COBL: variants seen among roughly 807,000 people sequenced by gnomAD.
COBL encodes protein cordon-bleu.
A neutral mutation model predicts 98.8 loss-of-function variants in COBL; 51 were observed. The ratio of observed to expected loss-of-function variants is 0.52; its 90% confidence interval spans 0.41 to 0.65. COBL has a LOEUF of 0.65. Among genes scored for constraint, COBL ranks in the 30% least tolerant of loss-of-function variants. COBL has a pLI of 0.00. For missense variants in COBL, 1,617 were observed against 1,617.5 expected (o/e 1.00, Z 0.01); for synonymous variants, 634 against 651.7 (o/e 0.97, Z 0.41).
At chr7:51,245,131 C>A (rs969636811) in intron 1 of COBL, among the ~76,000 whole-genome samples, 4 of 152,130 alleles carry the variant, frequency 2.6e-5, no homozygotes, top group Non-Finnish European at 2.9e-5. Context: ...CACACTCTAA[C>A]GGACCTGATC....
intron 2 of COBL, among the ~76,000 whole-genome samples, chr7:51,201,318 T>C (rs1477847103): frequency 6.7e-6 from 1 of 150,354 alleles, no homozygotes; most frequent in Admixed American, 6.6e-5. Context: ...TTAAATAAAA[T>C]AGGGTTTAAG....
intron 5 of COBL, among the ~76,000 whole-genome samples, chr7:51,137,639 G>A (rs1187909679): frequency 6.6e-6 from 1 of 151,744 alleles, no homozygotes; most frequent in Non-Finnish European, 1.5e-5. Context: ...ATATGTGTTA[G>A]CTATTATGAT....
intron 5 of COBL, among the ~76,000 whole-genome samples, chr7:51,152,247 G>GT (rs1785634758): frequency 6.6e-6 from 1 of 152,190 alleles, no homozygotes; most frequent in Admixed American, 6.5e-5. Flanking sequence ...CTGATTTAAG[G>GT]TAAGACAAAA....
At chr7:51,210,939 G>T (rs967222406) in intron 2 of COBL, among the ~76,000 whole-genome samples, 2 of 152,226 alleles carry the variant, frequency 1.3e-5, no homozygotes, top group Admixed American at 6.5e-5. Context: ...GACAATGGCA[G>T]TGCCCAACAA....
chr7:51,047,292 ATT>A (rs1583603225), intron 7 of COBL, among the ~76,000 whole-genome samples: 1 of 152,230 alleles, frequency 6.6e-6, no homozygotes, highest in African/African-American at 2.4e-5. Flanking sequence ...AGTAAGGAAT[ATT>A]AACCCTTCTA....
intron 2 of COBL, among the ~76,000 whole-genome samples, chr7:51,194,540 T>C (rs1480031197): frequency 6.6e-6 from 1 of 152,164 alleles, no homozygotes; most frequent in African/African-American, 2.4e-5. Context: ...TGCCACACTG[T>C]CTCTTCCACA....
intron 5 of COBL, among the ~76,000 whole-genome samples, chr7:51,153,358 A>C (rs1322250049): frequency 6.6e-6 from 1 of 152,262 alleles, no homozygotes; most frequent in African/African-American, 2.4e-5. Context: ...ATGGTTAGCA[A>C]ATAATTTTAA....
intron 1 of COBL, among the ~76,000 whole-genome samples, chr7:51,230,252 G>A (rs923381489): frequency 6.6e-6 from 1 of 152,160 alleles, no homozygotes; most frequent in Non-Finnish European, 1.5e-5. Context: ...CAGTCTGCTG[G>A]TTTCTAGGCC....
intron 1 of COBL, among the ~76,000 whole-genome samples, chr7:51,282,317 G>C (rs1219635697): frequency 6.6e-6 from 1 of 151,976 alleles, no homozygotes; most frequent in African/African-American, 2.4e-5. Flanking sequence ...TTAACTACAT[G>C]CTATCTTCAA....
intron 12 of COBL, among the ~76,000 whole-genome samples, chr7:51,023,531 A>T (rs766657067): frequency 9.9e-5 from 15 of 152,168 alleles, no homozygotes; most frequent in Non-Finnish European, 2.1e-4. Context: ...GCCATCACAA[A>T]TGGCCCCTGG....
chr7:51,114,648 G>A lies in COBL; in HGVS notation c.957+21510C>T, dbSNP rs370765059. On this transcript the variant is annotated intron_variant, in intron 6 of 12. Transcript: ENST00000265136. ...TCCTGACCTCAGGCCTTTGCAATAG[G>A]GGTCCCTTGCTTGGGATTTTCTTCC... Among the ~76,000 whole-genome samples the A allele has an allele frequency of 4.6e-5, 7 of 152,144 alleles. No individual in the cohort carries two copies. The East Asian group carries it at 1.4e-3, about 29-fold the overall frequency.
intron 1 of COBL, among the ~76,000 whole-genome samples, chr7:51,275,378 A>G (rs1399699592): frequency 6.6e-6 from 1 of 152,164 alleles, no homozygotes; most frequent in Non-Finnish European, 1.5e-5. Context: ...AGAAAGTTCT[A>G]TGTCAAGGTT....
chr7:51,160,167 C>T (rs1786646071), intron 5 of COBL, among the ~76,000 whole-genome samples: 1 of 152,192 alleles, frequency 6.6e-6, no homozygotes, highest in African/African-American at 2.4e-5. Flanking sequence ...GCTGGGATTA[C>T]AGGCATGAGC....
intron 1 of COBL, among the ~76,000 whole-genome samples, chr7:51,272,744 C>A (rs141867446): frequency 1.4e-3 from 208 of 152,268 alleles, no homozygotes; most frequent in Middle Eastern, 3.4e-3. Flanking sequence ...GTTTTTCTGG[C>A]ATTTCCACAC....
chr7:51,136,150 T>G lies in COBL; in HGVS notation c.957+8A>C, dbSNP rs778072701. Reference sequence around the variant, plus strand: ...TGCTTTGGTTGTGAGAACAGCCCACTGCCCTACCTTTTCCGATGCCTTGTC... The same window carrying G: ...TGCTTTGGTTGTGAGAACAGCCCACGGCCCTACCTTTTCCGATGCCTTGTC... On this transcript the variant is annotated splice_region_variant and intron_variant, in intron 6 of 12. Transcript: ENST00000265136. 4 of 1,608,376 alleles carry G rather than the reference T, an allele frequency of 2.5e-6. No individual in the cohort carries two copies. Among genetic ancestry groups the G allele is most frequent in the African/African-American group, 1.3e-5 (1 of 74,836 alleles).
intron 1 of COBL, among the ~76,000 whole-genome samples, chr7:51,299,163 C>CACAT (rs1054669764): frequency 6.6e-6 from 1 of 152,094 alleles, no homozygotes; most frequent in Non-Finnish European, 1.5e-5. Flanking sequence ...TCTATGAGCA[C>CACAT]ACATACATAC....
intron 6 of COBL, among the ~76,000 whole-genome samples, chr7:51,133,951 C>T (rs1348495157): frequency 6.6e-6 from 1 of 152,166 alleles, no homozygotes; most frequent in African/African-American, 2.4e-5. Context: ...CTAGTTGATA[C>T]AAAATAATAT....
intron 2 of COBL, among the ~76,000 whole-genome samples, chr7:51,204,142 A>T (rs1034985724): frequency 6.6e-6 from 1 of 152,254 alleles, no homozygotes; most frequent in African/African-American, 2.4e-5. Context: ...ATCTCAATGG[A>T]TACAGAAAAA....
At chr7:51,106,220 AAT>A (rs1554389491) in intron 6 of COBL, among the ~76,000 whole-genome samples, 1 of 150,026 alleles carries the variant, frequency 6.7e-6, no homozygotes, top group African/African-American at 2.5e-5. Flanking sequence ...AAAAAAAAAA[AAT>A]ACATCCACCC....
Sources: allele counts gnomAD v4.1 joint callset (sites outside exome capture counted in the v4.1 genomes callset), GRCh38; gene constraint gnomAD v4.1.1; transcripts MANE v1.5; gene names NCBI Gene and HGNC (gene_info 2026-07-23, HGNC 2026-07-21).